The following HCRTR2 variants were observed in gnomAD, a reference collection of about 807,000 sequenced individuals.
HCRTR2 encodes orexin receptor type 2.
In HCRTR2, 22 loss-of-function variants were observed where a neutral mutation model predicts 49.0. The ratio of observed to expected loss-of-function variants is 0.45; its 90% CI spans 0.32 to 0.64. HCRTR2 has a LOEUF of 0.64. HCRTR2 is among the 30% of genes least tolerant of loss of function. HCRTR2 has a pLI of 0.04. For synonymous variants in HCRTR2, 236 were observed against 205.3 expected (o/e 1.15, Z -1.28); for missense variants, 491 against 559.4 (o/e 0.88, Z 1.23).
At chr6:55,135,232 G>C (rs1764417749) in intron 1 of HCRTR2, among the ~76,000 whole-genome samples, 1 of 152,110 alleles carries the variant, frequency 6.6e-6, no homozygotes, top group Admixed American at 6.6e-5. Context: ...GAGGTCTCAT[G>C]CTAGAGTATC....
intron 1 of HCRTR2, among the ~76,000 whole-genome samples, chr6:55,149,975 CA>C (rs1320176168): frequency 3.3e-5 from 5 of 151,822 alleles, no homozygotes; most frequent in Non-Finnish European, 7.4e-5. Flanking sequence ...ATAGATATTG[CA>C]ATCAAATTAA....
intron 1 of HCRTR2, among the ~76,000 whole-genome samples, chr6:55,136,040 A>T (rs1460501278): frequency 6.6e-6 from 1 of 152,172 alleles, no homozygotes; most frequent in Non-Finnish European, 1.5e-5. Context: ...GGAAATATCT[A>T]ATTAGTGCCT....
intron 1 of HCRTR2, among the ~76,000 whole-genome samples, chr6:55,151,122 G>A (rs1764659297): frequency 6.6e-6 from 1 of 152,000 alleles, no homozygotes; most frequent in Non-Finnish European, 1.5e-5. Context: ...TTGCCTCAAT[G>A]TTGATGGTTG....
chr6:55,115,778 C>G (rs56217917), intron 1 of HCRTR2, among the ~76,000 whole-genome samples: 45,553 of 151,120 alleles, frequency 0.3, 7,631 homozygotes, highest in Non-Finnish European at 0.38. Context: ...AATAGCTGAA[C>G]CATGAGAAGA....
At chr6:55,144,509 A>G (rs1329005793) in intron 1 of HCRTR2, among the ~76,000 whole-genome samples, 1 of 152,148 alleles carries the variant, frequency 6.6e-6, no homozygotes, top group African/African-American at 2.4e-5. Context: ...TCTTGGTACC[A>G]GGGCCAGTTT....
At position 55,124,273 on chromosome 6, in the gene HCRTR2, C is replaced by T. The variant is rs145741493; in HGVS notation, c.-378+17728C>T. On this transcript the variant is annotated intron_variant, in intron 1 of 7. Coordinates refer to the HCRTR2 transcript ENST00000615358. Reference sequence around the variant, plus strand: ...ATTCAGTGCTATAAATTTCCCTCTACACACTGCTTTAAATGTGTCACAGAG... The same window carrying T: ...ATTCAGTGCTATAAATTTCCCTCTATACACTGCTTTAAATGTGTCACAGAG... Among the ~76,000 whole-genome samples the T allele has an allele frequency of 3.7e-3, 562 of 152,278 alleles. 6 individuals are homozygous for T. The highest frequency in any genetic ancestry group is 0.013 in the African/African-American group (552 of 41,558).
chr6:55,114,633 C>G (rs535558756), intron 1 of HCRTR2, among the ~76,000 whole-genome samples: 1 of 151,910 alleles, frequency 6.6e-6, no homozygotes, highest in African/African-American at 2.4e-5. Context: ...GAAAATGCTG[C>G]TAGTTTTGCT....
intron 1 of HCRTR2, among the ~76,000 whole-genome samples, chr6:55,121,579 A>G (rs975420449): frequency 2.0e-5 from 3 of 152,168 alleles, no homozygotes; most frequent in African/African-American, 7.2e-5. Flanking sequence ...CCCATTCAGT[A>G]TGATATTGGC....
At chr6:55,268,023 C>A (rs1403647463) in intron 4 of HCRTR2, among the ~76,000 whole-genome samples, 1 of 152,090 alleles carries the variant, frequency 6.6e-6, no homozygotes, top group Admixed American at 6.5e-5. Context: ...TGTGAAGATT[C>A]ACCTTATAAT....
intron 1 of HCRTR2, among the ~76,000 whole-genome samples, chr6:55,155,702 A>G (rs1478632885): frequency 6.6e-6 from 1 of 152,068 alleles, no homozygotes; most frequent in African/African-American, 2.4e-5. Flanking sequence ...CAAACATTAT[A>G]GAAAAAAAGT....
chr6:55,272,738 GT>G (rs1473070986), intron 4 of HCRTR2, among the ~76,000 whole-genome samples: 4 of 149,564 alleles, frequency 2.7e-5, no homozygotes, highest in Non-Finnish European at 5.9e-5. Context: ...TCTGACTAAA[GT>G]TTTTTTCCGT....
At chr6:55,283,262 C>T (rs1054875471), downstream of HCRTR2, among the ~76,000 whole-genome samples, 4 of 152,148 alleles carry the variant, frequency 2.6e-5, no homozygotes, top group African/African-American at 4.8e-5. Flanking sequence ...AATGAGATGG[C>T]GTCGATGCAA....
intron 1 of HCRTR2, among the ~76,000 whole-genome samples, chr6:55,115,439 G>A (rs889511935): frequency 3.3e-5 from 5 of 150,824 alleles, no homozygotes; most frequent in Non-Finnish European, 7.4e-5. Context: ...GTCAACTGTG[G>A]CACAAATATA....
At chr6:55,217,177 C>T (rs777101462) in intron 1 of HCRTR2, among the ~76,000 whole-genome samples, 7 of 152,134 alleles carry the variant, frequency 4.6e-5, no homozygotes, top group African/African-American at 1.2e-4. Flanking sequence ...ATTCTACCCT[C>T]CTTGGCCCCT....
chr6:55,261,159 A>G (rs1216922489), intron 3 of HCRTR2, among the ~76,000 whole-genome samples: 4 of 152,204 alleles, frequency 2.6e-5, no homozygotes, highest in Non-Finnish European at 4.4e-5. Flanking sequence ...TTGCAGTAAA[A>G]GTAGGTAGAC....
intron 1 of HCRTR2, among the ~76,000 whole-genome samples, chr6:55,212,094 C>G (rs116111716): frequency 0.011 from 1,667 of 152,274 alleles, 27 homozygotes; most frequent in African/African-American, 0.038. Flanking sequence ...CTCCATATCT[C>G]AAGATCATGC....
chr6:55,160,323 G>T (rs1764788291), intron 1 of HCRTR2, among the ~76,000 whole-genome samples: 1 of 152,100 alleles, frequency 6.6e-6, no homozygotes, highest in African/African-American at 2.4e-5. Context: ...CCTTACAAGA[G>T]CTCCCGAAGG....
At chr6:55,263,943 G>A (rs758660710) in intron 4 of HCRTR2, 121 bp downstream of exon 4, 12 of 701,398 alleles carry the variant, frequency 1.7e-5, no homozygotes, top group African/African-American at 3.5e-5. Flanking sequence ...CAAAATTTAA[G>A]AATGCATTGA....
At chr6:55,277,978 G>C (rs115473871) in intron 5 of HCRTR2, among the ~76,000 whole-genome samples, 173 of 152,176 alleles carry the variant, frequency 1.1e-3, no homozygotes, top group African/African-American at 3.8e-3. Context: ...AAAAACATAG[G>C]CAATTGTGAG....
Sources: gnomAD v4.1 joint callset for allele counts (sites outside exome capture counted in the v4.1 genomes callset) on GRCh38, gnomAD v4.1.1 for gene constraint, MANE v1.5 for transcripts, NCBI Gene and HGNC (gene_info 2026-07-23, HGNC 2026-07-21) for gene names.